Variants in NFKB1 observed in about 807,000 individuals in gnomAD.
The protein encoded by NFKB1 is nuclear factor kappa B subunit 1.
Under a neutral mutation model 105.1 loss-of-function variants are expected in NFKB1, and 9 were observed. The observed-to-expected ratio is 0.09, with a 90% CI of 0.05 to 0.15. The LOEUF is 0.15. NFKB1 is among the 10% of genes least tolerant of loss of function. The pLI is 1.00. For synonymous variants in NFKB1, 440 were observed against 442.2 expected (o/e 1.00, Z 0.06); for missense variants, 830 against 1,203.7 (o/e 0.69, Z 4.59).
intron 1 of NFKB1, among the ~76,000 whole-genome samples, chr4:102,509,665 C>T (rs1002072642): frequency 6.6e-6 from 1 of 152,120 alleles, no homozygotes; most frequent in Non-Finnish European, 1.5e-5. Context: ...TTAGGGAATG[C>T]GGTTGTTAGC....
chr4:102,504,695 T>G (rs1739316551), intron 1 of NFKB1, among the ~76,000 whole-genome samples: 1 of 152,198 alleles, frequency 6.6e-6, no homozygotes, highest in Non-Finnish European at 1.5e-5. Context: ...CCATAAATAC[T>G]GAACTCACTT....
At chr4:102,575,705 T>C (rs1019534208) in intron 6 of NFKB1, among the ~76,000 whole-genome samples, 1 of 152,356 alleles carries the variant, frequency 6.6e-6, no homozygotes, top group East Asian at 1.9e-4. Flanking sequence ...ATCTTTTTAC[T>C]GAGTGTCCTT....
At chr4:102,610,898 G>A (rs1003020347) in intron 20 of NFKB1, among the ~76,000 whole-genome samples, 199 bp downstream of exon 20, 11 of 152,178 alleles carry the variant, frequency 7.2e-5, no homozygotes, top group Admixed American at 3.9e-4. Flanking sequence ...TTCTGAGTAC[G>A]AAAGTGTATG....
At chr4:102,544,710 G>T (rs192633447) in intron 5 of NFKB1, among the ~76,000 whole-genome samples, 1 of 152,104 alleles carries the variant, frequency 6.6e-6, no homozygotes, top group African/African-American at 2.4e-5. Context: ...CTCTAAATCC[G>T]CTGTATATAT....
intron 1 of NFKB1, among the ~76,000 whole-genome samples, chr4:102,516,466 G>C (rs752768114): frequency 6.6e-6 from 1 of 151,932 alleles, no homozygotes; most frequent in Non-Finnish European, 1.5e-5. Context: ...CTGTAATTCA[G>C]TTTGGGTAGT....
intron 1 of NFKB1, among the ~76,000 whole-genome samples, chr4:102,519,255 A>G (rs1178856873): frequency 6.7e-6 from 1 of 148,366 alleles, no homozygotes; most frequent in African/African-American, 2.4e-5. Context: ...ATAGTTTAAT[A>G]TATAAGTATA....
intron 1 of NFKB1, among the ~76,000 whole-genome samples, chr4:102,521,740 A>G (rs893822458): frequency 1.3e-5 from 2 of 152,140 alleles, no homozygotes; most frequent in African/African-American, 2.4e-5. Flanking sequence ...AGCCTTCACC[A>G]AGAAGCTCAT....
chr4:102,580,106 G>A (rs1174480664), intron 8 of NFKB1, among the ~76,000 whole-genome samples: 2 of 152,174 alleles, frequency 1.3e-5, no homozygotes, highest in African/African-American at 2.4e-5. Context: ...AAGGTAGTAA[G>A]TAGTTTAAGA....
At position 102,607,201 on chromosome 4, in the gene NFKB1, T is replaced by C; in HGVS notation, c.2006T>C (p.Leu669Pro). The change falls in exon 18 of 24, where the codon CTG becomes CCG. Residue 669 changes from leucine to proline, a missense_variant. Coordinates refer to ENST00000226574, the MANE Select transcript of NFKB1 (RefSeq NM_003998.4). The stretch of plus-strand genomic sequence containing the variant: ...ATGAGCAATAGCCTGCCATGTTTGC[T>C]GCTGCTGGTGGCCGCTGGGGCTGAC... ...AMMSNSLPCL[L>P]LLVAAGADVN... The C allele has an allele frequency of 6.2e-7, 1 of 1,614,198 alleles. No homozygotes were observed. The highest frequency in any genetic ancestry group is 8.5e-7 in the Non-Finnish European group (1 of 1,180,042).
chr4:102,566,577 A>C (rs2149167495), intron 5 of NFKB1, among the ~76,000 whole-genome samples: 1 of 152,306 alleles, frequency 6.6e-6, no homozygotes, highest in Non-Finnish European at 1.5e-5. Flanking sequence ...GATTTCCATC[A>C]ACCACCAGTT....
chr4:102,572,864 A>G (rs1247350810), intron 6 of NFKB1, among the ~76,000 whole-genome samples: 1 of 152,072 alleles, frequency 6.6e-6, no homozygotes, highest in African/African-American at 2.4e-5. Context: ...CTTAGGTCAA[A>G]ATTTCTATCT....
chr4:102,613,282 G>A (rs1340064070), intron 22 of NFKB1, 143 bp from the exon 23 acceptor site: 4 of 759,770 alleles, frequency 5.3e-6, no homozygotes, highest in Non-Finnish European at 6.3e-6. Flanking sequence ...TTTCTTAGTC[G>A]CTCTTCTCTG....
chr4:102,592,045 G>C (rs2149201863), intron 11 of NFKB1, among the ~76,000 whole-genome samples: 1 of 152,326 alleles, frequency 6.6e-6, no homozygotes, highest in East Asian at 1.9e-4. Flanking sequence ...CAGCAGATGT[G>C]GTGGAAATAG....
At chr4:102,570,682 A>G (rs1174695183) in intron 6 of NFKB1, among the ~76,000 whole-genome samples, 2 of 152,146 alleles carry the variant, frequency 1.3e-5, no homozygotes, top group East Asian at 3.9e-4. Context: ...ATTCCTATAC[A>G]CCAATAACAG....
At chr4:102,517,770 A>C (rs985588733) in intron 1 of NFKB1, among the ~76,000 whole-genome samples, 1 of 152,222 alleles carries the variant, frequency 6.6e-6, no homozygotes. Context: ...TTCAGGATGC[A>C]GGGCATATTG....
chr4:102,508,585 A>G (rs1739581729), intron 1 of NFKB1, among the ~76,000 whole-genome samples: 1 of 152,166 alleles, frequency 6.6e-6, no homozygotes, highest in African/African-American at 2.4e-5. Flanking sequence ...CTGGGGAACT[A>G]CTTTTCAGAG....
intron 1 of NFKB1, among the ~76,000 whole-genome samples, chr4:102,518,928 G>A (rs998186613): frequency 6.6e-6 from 1 of 152,134 alleles, no homozygotes; most frequent in Non-Finnish European, 1.5e-5. Context: ...TATAAGCTGG[G>A]TTTAGAACTT....
At chr4:102,561,175 T>A (rs1443228320) in intron 5 of NFKB1, among the ~76,000 whole-genome samples, 1 of 152,150 alleles carries the variant, frequency 6.6e-6, no homozygotes, top group African/African-American at 2.4e-5. Flanking sequence ...CCCTGGTTGC[T>A]CAACAAGTAA....
rs761629862 is a variant in NFKB1 at position 102,608,805 on chromosome 4, C to T, written c.2227+1054C>T. Among the ~76,000 whole-genome samples, 137 of 152,116 alleles carry T rather than the reference C, an allele frequency of 9.0e-4. 1 individual carries two copies. Among genetic ancestry groups the T allele is most frequent in the Non-Finnish European group, 1.6e-3 (112 of 67,996 alleles). On this transcript the variant is annotated intron_variant, in intron 19 of 23. Coordinates refer to ENST00000226574, the MANE Select transcript of NFKB1 (RefSeq NM_003998.4). ...TTTCTTGAACAAGAAACTCTGATTG[C>T]AGTGGGTATTAATAGTTTTAGAAGA...
Sources: allele counts gnomAD v4.1 joint callset (sites outside exome capture counted in the v4.1 genomes callset), GRCh38; gene constraint gnomAD v4.1.1; transcripts MANE v1.5; gene names NCBI Gene and HGNC (gene_info 2026-07-23, HGNC 2026-07-21).